ADAM18: variants seen among roughly 807,000 people sequenced by gnomAD.
The protein encoded by ADAM18 is ADAM metallopeptidase domain 18.
Under a neutral mutation model 94.4 loss-of-function variants are expected in ADAM18, and 117 were observed. The ratio of observed to expected loss-of-function variants is 1.24; its 90% CI spans 1.07 to 1.45. The LOEUF (loss-of-function observed/expected upper bound fraction) is 1.45. Among genes scored for constraint, ADAM18 ranks in the 40% most tolerant of loss-of-function variants. ADAM18 has a pLI of 0.00. For missense variants in ADAM18, 936 were observed against 880.0 expected, an observed-to-expected ratio of 1.06 and a Z score of -0.81; for synonymous variants, 327 against 291.6, an observed-to-expected ratio of 1.12 and a Z score of -1.24.
intron 18 of ADAM18, among the ~76,000 whole-genome samples, chr8:39,719,673 A>G (rs898308399): frequency 2.0e-5 from 3 of 151,526 alleles, no homozygotes; most frequent in Admixed American, 6.6e-5. Flanking sequence ...ACGCCCAACA[A>G]CATAGGTCAT....
chr8:39,649,421 A>G (rs753990142), intron 12 of ADAM18, among the ~76,000 whole-genome samples: 3 of 152,000 alleles, frequency 2.0e-5, no homozygotes, highest in Non-Finnish European at 4.4e-5. Flanking sequence ...ATATTTTCCC[A>G]TGCTGTCTTA....
In ADAM18 at chr8:39,724,328, C is replaced by A. The variant is rs141627616; in HGVS notation, c.2177+421C>A. Among the ~76,000 whole-genome samples, 1,153 of 151,910 alleles carry A rather than the reference C, an allele frequency of 7.6e-3. 11 individuals are homozygous for A. The highest frequency in any genetic ancestry group is 0.012 in the Non-Finnish European group (797 of 67,760). On this transcript the variant is annotated intron_variant, in intron 19 of 19. Coordinates refer to ENST00000265707, the MANE Select transcript of ADAM18 (RefSeq NM_014237.3). ...GAATTCAAAAATATGTCCCTTTCTT[C>A]AAAATTGTATAATTTGTTACACAAA...
chr8:39,721,349 C>T (rs888516217), intron 18 of ADAM18, among the ~76,000 whole-genome samples: 2 of 151,294 alleles, frequency 1.3e-5, no homozygotes, highest in Admixed American at 1.3e-4. Context: ...TTGGTATAGG[C>T]AAATAATTTA....
At chr8:39,599,564 T>TAC (rs1318277437) in intron 2 of ADAM18, among the ~76,000 whole-genome samples, 4 of 151,980 alleles carry the variant, frequency 2.6e-5, no homozygotes, top group East Asian at 1.9e-4. Context: ...TATATGTATA[T>TAC]ACACACACAC....
In ADAM18 at chr8:39,680,111, T is replaced by G. The variant is rs1821409182; in HGVS notation, c.1706T>G (p.Val569Gly). Residue 569 changes from valine (V) to glycine (G), a missense_variant, in exon 16 of 20, where the codon GTT becomes GGT. By Grantham distance (109) the Val-to-Gly change is moderately radical. Transcript: ENST00000265707. ...NANKSDAQST[V>G]YSYIQDHVCV... ...AATAAAAGTGACGCTCAATCTACAGTTTATTCATATATTCAAGACCATGTA... is the reference window on the plus strand; with the variant it reads ...AATAAAAGTGACGCTCAATCTACAGGTTATTCATATATTCAAGACCATGTA... 6.2e-7 allele frequency: 1 copy of G among 1,613,778 alleles called. No individual in the cohort carries two copies. Among genetic ancestry groups the G allele is most frequent in the Admixed American group, 1.7e-5 (1 of 59,926 alleles).
At position 39,706,780 on chromosome 8, in the gene ADAM18, T is replaced by A. The variant is rs773285500; in HGVS notation, c.1903-10T>A. ...ACGACTCAAACTGTTTCTGTATTTT[T>A]CTGTTTCAGATATGTAATAATTTTG... On this transcript the variant is annotated splice_polypyrimidine_tract_variant and intron_variant, in intron 17 of 19. Transcript: ENST00000265707. 1 of 1,494,524 alleles carries A rather than the reference T, an allele frequency of 6.7e-7. No homozygotes were observed. Among genetic ancestry groups the A allele is most frequent in the Non-Finnish European group, 9.3e-7 (1 of 1,074,596 alleles). 92.6% of individuals were successfully genotyped at this position (1,494,524 alleles called of 1,614,324 possible).
intron 19 of ADAM18, among the ~76,000 whole-genome samples, chr8:39,727,514 A>G (rs1241026657): frequency 6.6e-6 from 1 of 152,156 alleles, no homozygotes; most frequent in African/African-American, 2.4e-5. Flanking sequence ...GATATCCTAT[A>G]TGGTCATCTT....
chr8:39,727,846 A>G lies in ADAM18; in HGVS notation c.2178-2052A>G, dbSNP rs537615088. Among the ~76,000 whole-genome samples, 23 of 152,274 alleles carry G rather than the reference A, an allele frequency of 1.5e-4. No homozygotes were observed. The South Asian group carries it at 2.9e-3, about 19-fold the overall frequency. ...ATGGCAATGCCCCACTGCTAGTACA[A>G]ATTTTCTATGTTAGGCCATTCTTGC... On this transcript the variant is annotated intron_variant, in intron 19 of 19. Coordinates refer to ENST00000265707, the MANE Select transcript of ADAM18 (RefSeq NM_014237.3).
intron 19 of ADAM18, among the ~76,000 whole-genome samples, chr8:39,728,067 CGA>C (rs1231629378): frequency 2.6e-5 from 4 of 152,016 alleles, no homozygotes; most frequent in Admixed American, 6.6e-5. Context: ...CAGGAGCAAG[CGA>C]GAGAGTCAGG....
At chr8:39,645,501 T>C (rs754293931) in intron 11 of ADAM18, 27 bp downstream of exon 11, 2 of 1,573,002 alleles carry the variant, frequency 1.3e-6, no homozygotes, top group Non-Finnish European at 1.7e-6. Flanking sequence ...ATTAATTTCA[T>C]TTATATTTTT....
At chr8:39,602,602 A>T (rs983423163) in intron 2 of ADAM18, among the ~76,000 whole-genome samples, 6 of 152,284 alleles carry the variant, frequency 3.9e-5, no homozygotes, top group South Asian at 2.1e-4. Context: ...GTTATTTTCC[A>T]TCTGTATATC....
At chr8:39,630,690 G>T (rs922488689) in intron 7 of ADAM18, among the ~76,000 whole-genome samples, 23 of 151,806 alleles carry the variant, frequency 1.5e-4, no homozygotes, top group Admixed American at 2.6e-4. Context: ...GAATAAAATT[G>T]TTATCACCAA....
At chr8:39,627,809 C>T (rs930353135) in intron 6 of ADAM18, among the ~76,000 whole-genome samples, 16 of 151,942 alleles carry the variant, frequency 1.1e-4, no homozygotes, top group Admixed American at 2.0e-4. Flanking sequence ...TTTATAGGTC[C>T]TATGCATTGT....
chr8:39,647,634 G>A (rs1820421490), intron 11 of ADAM18, among the ~76,000 whole-genome samples: 1 of 152,184 alleles, frequency 6.6e-6, no homozygotes, highest in Non-Finnish European at 1.5e-5. Flanking sequence ...TATCACATGG[G>A]GAGAAACCTT....
In ADAM18 at chr8:39,675,089, T is replaced by A. The variant is rs537225072; in HGVS notation, c.1526-2342T>A. On this transcript the variant is annotated intron_variant, in intron 14 of 19. Transcript: ENST00000265707. ...TTCATTTCAACTTTGGTGAATCTGA[T>A]AATTATGTGTCTTGGGGTTGCTCTT... Among the ~76,000 whole-genome samples the A allele has an allele frequency of 8.1e-4, 124 of 152,272 alleles. 1 individual carries two copies. The highest frequency in any genetic ancestry group is 1.6e-3 in the Non-Finnish European group (112 of 68,026).
At chr8:39,586,108 A>G (rs77967245) in intron 2 of ADAM18, among the ~76,000 whole-genome samples, 1 of 152,202 alleles carries the variant, frequency 6.6e-6, no homozygotes, top group Admixed American at 6.5e-5. Flanking sequence ...TAAGGAAAAG[A>G]TTAATCTATT....
intron 15 of ADAM18, 64 bp downstream of exon 15, chr8:39,677,600 A>C (rs1821334748): frequency 8.2e-7 from 1 of 1,222,816 alleles, no homozygotes; most frequent in East Asian, 2.6e-5. Context: ...ATCAAGAGAC[A>C]CTAAGTAGTA....
chr8:39,624,047 G>T (rs1334140468), intron 6 of ADAM18, among the ~76,000 whole-genome samples: 2 of 152,052 alleles, frequency 1.3e-5, no homozygotes, highest in African/African-American at 4.8e-5. Context: ...GTATATTTTG[G>T]ATATTAGTCC....
chr8:39,606,192 A>G (rs957302231), intron 2 of ADAM18, 115 bp from the exon 3 acceptor site: 3 of 608,256 alleles, frequency 4.9e-6, no homozygotes, highest in Non-Finnish European at 5.7e-6. Context: ...AATAAATTCT[A>G]AAGATTATGT....
Sources: gnomAD v4.1 joint callset for allele counts (sites outside exome capture counted in the v4.1 genomes callset) on GRCh38, gnomAD v4.1.1 for gene constraint, MANE v1.5 for transcripts, NCBI Gene and HGNC (gene_info 2026-07-23, HGNC 2026-07-21) for gene names.